Variants in PPIP5K2 observed in about 807,000 individuals in gnomAD.
PPIP5K2 encodes diphosphoinositol pentakisphosphate kinase 2.
PPIP5K2 carries 105 observed loss-of-function variants against 154.6 expected under a neutral mutation model. The observed-to-expected ratio is 0.68, with a 90% CI of 0.58 to 0.80. PPIP5K2 has a LOEUF of 0.80. Ranked by LOEUF, PPIP5K2 falls within the 30% of genes least tolerant of loss-of-function variation. PPIP5K2 has a pLI of 0.00. For missense variants in PPIP5K2, 992 were observed against 1,504.6 expected (o/e 0.66, Z 5.64); for synonymous variants, 480 against 490.3 (o/e 0.98, Z 0.28).
chr5:103,181,650 T>A (rs1554222947), intron 24 of PPIP5K2, among the ~76,000 whole-genome samples: 1 of 152,050 alleles, frequency 6.6e-6, no homozygotes, highest in African/African-American at 2.4e-5. Flanking sequence ...GAAATTAAGA[T>A]AGAACCATCA....
chr5:103,149,224 C>T lies in PPIP5K2; in HGVS notation c.817C>T (p.Arg273Ter), dbSNP rs782152651. 4.6e-5 allele frequency: 74 copies of T among 1,613,616 alleles called. No individual in the cohort carries two copies. The highest frequency in any genetic ancestry group is 5.9e-5 in the Non-Finnish European group (70 of 1,179,896). ...KSPALDGKVE[R>*]DSEGKEVRYP... ...TCCAGCACTTGATGGCAAGGTGGAA[C>T]GAGACAGTGAAGGAAAAGAAGTAAG... Residue 273 changes from arginine (R) to a stop codon, truncating the protein, a stop_gained, in exon 8 of 31, where the codon CGA (arginine) becomes TGA (stop). Coordinates refer to ENST00000358359, the MANE Select transcript of PPIP5K2 (RefSeq NM_001276277.3). LOFTEE classifies it high-confidence loss of function.
At chr5:103,198,631 C>G (rs1431390614) in intron 30 of PPIP5K2, among the ~76,000 whole-genome samples, 2 of 152,074 alleles carry the variant, frequency 1.3e-5, no homozygotes, top group Non-Finnish European at 2.9e-5. Context: ...AATAAATTGA[C>G]TCATTTATTA....
At chr5:103,145,891 A>G (rs1160255445) in intron 5 of PPIP5K2, among the ~76,000 whole-genome samples, 4 of 152,228 alleles carry the variant, frequency 2.6e-5, no homozygotes, top group African/African-American at 9.6e-5. Context: ...GAATGTTCCT[A>G]ACACAAAGAA....
intron 19 of PPIP5K2, among the ~76,000 whole-genome samples, chr5:103,170,377 T>G (rs78013110): frequency 0.042 from 6,404 of 151,600 alleles, 440 homozygotes; most frequent in African/African-American, 0.15. Flanking sequence ...TGCAATTAGG[T>G]TAGATTTTCA....
chr5:103,162,510 A>G (rs1554216276), intron 17 of PPIP5K2, among the ~76,000 whole-genome samples: 1 of 151,600 alleles, frequency 6.6e-6, no homozygotes, highest in East Asian at 1.9e-4. Context: ...CTACAGGTGC[A>G]CGCCACCATG....
rs183109118 is a variant in PPIP5K2 at position 103,165,344 on chromosome 5, A to G, written c.1921-1835A>G. ...GTGTATAACTTTTGACTCTGCAAAAACTTAACTACCAAGTTAAGCCTACCT... is the reference window on the plus strand; with the variant it reads ...GTGTATAACTTTTGACTCTGCAAAAGCTTAACTACCAAGTTAAGCCTACCT... On this transcript the variant is annotated intron_variant, in intron 17 of 30. Transcript: ENST00000358359. 4.1e-3 allele frequency among the ~76,000 whole-genome samples: 618 copies of G among 152,204 alleles called. 7 individuals carry two copies. Among genetic ancestry groups the G allele is most frequent in the South Asian group, 0.014 (69 of 4,820 alleles).
intron 7 of PPIP5K2, 57 bp from the exon 8 acceptor site, chr5:103,149,095 C>T: frequency 1.9e-6 from 1 of 528,104 alleles, no homozygotes; most frequent in Non-Finnish European, 2.7e-6. Context: ...CTGTTGGTTA[C>T]ACACACACAC....
intron 1 of PPIP5K2, among the ~76,000 whole-genome samples, chr5:103,124,871 C>G (rs1789391367): frequency 6.6e-6 from 1 of 152,168 alleles, no homozygotes; most frequent in Non-Finnish European, 1.5e-5. Context: ...AAGGTACTTA[C>G]TAGGTAACAG....
chr5:103,133,303 A>G, intron 2 of PPIP5K2, 150 bp from the exon 3 acceptor site: 1 of 515,634 alleles, frequency 1.9e-6, no homozygotes, highest in Non-Finnish European at 3.2e-6. Flanking sequence ...TATAACAATG[A>G]TATAATTTTT....
At chr5:103,146,468 G>T (rs1272396049) in intron 5 of PPIP5K2, 59 bp from the exon 6 acceptor site, 2 of 1,531,624 alleles carry the variant, frequency 1.3e-6, no homozygotes, top group East Asian at 4.6e-5. Context: ...TAATAATGTG[G>T]TGTCCTGATA....
In PPIP5K2 at chr5:103,177,722, A is replaced by C; in HGVS notation, c.2585A>C (p.Glu862Ala). ...RAMDYLNVVNELNYMTQIVIM... is the reference protein window; with the variant it reads ...RAMDYLNVVNALNYMTQIVIM... ...ATGGATTATTTAAACGTTGTCAATG[A>C]GCTCAACTACATGACTCAGATTGTT... is the stretch of plus-strand genomic sequence containing the variant. Residue 862 changes from glutamate (E) to alanine (A), a missense_variant, in exon 22 of 31, where the codon GAG (glutamate) becomes GCG (alanine). Around this residue, in one of 9 missense-constraint regions of PPIP5K2, gnomAD observed 157 missense variants for 281.2 expected, o/e 0.56. Coordinates refer to ENST00000358359, the MANE Select transcript of PPIP5K2 (RefSeq NM_001276277.3). The C allele has an allele frequency of 6.2e-7, 1 of 1,612,254 alleles. No individual in the cohort carries two copies. Among genetic ancestry groups the C allele is most frequent in the Non-Finnish European group, 8.5e-7 (1 of 1,179,102 alleles).
At chr5:103,197,829 C>T (rs1232467103) in intron 30 of PPIP5K2, among the ~76,000 whole-genome samples, 1 of 151,718 alleles carries the variant, frequency 6.6e-6, no homozygotes, top group Admixed American at 6.6e-5. Context: ...TCGCCTGCCT[C>T]AACCTCCCAA....
intron 5 of PPIP5K2, among the ~76,000 whole-genome samples, chr5:103,142,628 T>C (rs1792993682): frequency 6.6e-6 from 1 of 152,030 alleles, no homozygotes; most frequent in South Asian, 2.1e-4. Flanking sequence ...CAAAAAAAAT[T>C]AGCCGGGTGT....
At chr5:103,153,726 G>T in intron 10 of PPIP5K2, 122 bp from the exon 11 acceptor site, 1 of 598,508 alleles carries the variant, frequency 1.7e-6, no homozygotes, top group African/African-American at 2.0e-5. Context: ...ATTCTTCATG[G>T]GAAAGATCTT....
At chr5:103,196,552 C>T (rs1459046442) in intron 30 of PPIP5K2, among the ~76,000 whole-genome samples, 2 of 152,026 alleles carry the variant, frequency 1.3e-5, no homozygotes, top group Non-Finnish European at 2.9e-5. Flanking sequence ...AGGTCAATAC[C>T]ATTCTTATGT....
chr5:103,150,499 G>C (rs1171042403), intron 8 of PPIP5K2, among the ~76,000 whole-genome samples: 1 of 152,164 alleles, frequency 6.6e-6, no homozygotes, highest in South Asian at 2.1e-4. Flanking sequence ...TCGACTGGGC[G>C]TGGTGGCTCA....
At chr5:103,196,472 A>C (rs1802106044) in intron 30 of PPIP5K2, among the ~76,000 whole-genome samples, 1 of 152,172 alleles carries the variant, frequency 6.6e-6, no homozygotes, top group South Asian at 2.1e-4. Flanking sequence ...CACAAAGCTA[A>C]CATTTGTATA....
At chr5:103,182,733 G>C (rs1799737231) in intron 24 of PPIP5K2, among the ~76,000 whole-genome samples, 1 of 152,072 alleles carries the variant, frequency 6.6e-6, no homozygotes, top group African/African-American at 2.4e-5. Context: ...ATATATCAGG[G>C]AGACAGATTT....
intron 24 of PPIP5K2, among the ~76,000 whole-genome samples, chr5:103,181,227 T>C (rs1360218532): frequency 6.6e-6 from 1 of 152,082 alleles, no homozygotes; most frequent in East Asian, 1.9e-4. Context: ...CCAGCACTGA[T>C]TGAGGTCAGT....
Sources: allele counts gnomAD v4.1 joint callset (sites outside exome capture counted in the v4.1 genomes callset), GRCh38; gene constraint gnomAD v4.1.1; regional missense constraint gnomAD v4.1.1; transcripts MANE v1.5; gene names NCBI Gene and HGNC (gene_info 2026-07-23, HGNC 2026-07-21).